Variants in MAP3K5 observed in about 807,000 individuals in gnomAD.
MAP3K5 encodes ASK-1.
Under a neutral mutation model 158.7 loss-of-function variants are expected in MAP3K5, and 56 were observed. The observed-to-expected ratio is 0.35, with a 90% confidence interval of 0.28 to 0.44. The LOEUF (loss-of-function observed/expected upper bound fraction) is 0.44. Among genes scored for constraint, MAP3K5 ranks in the 20% least tolerant of loss-of-function variants. MAP3K5 has a pLI of 1.00. For missense variants in MAP3K5, 1,294 were observed against 1,674.8 expected, an observed-to-expected ratio of 0.77 and a Z score of 3.97; for synonymous variants, 579 against 601.7, an observed-to-expected ratio of 0.96 and a Z score of 0.55.
chr6:136,757,571 A>ATTT (rs1562679067), intron 1 of MAP3K5, among the ~76,000 whole-genome samples: 4 of 111,132 alleles, frequency 3.6e-5, no homozygotes, highest in African/African-American at 1.4e-4. Flanking sequence ...TTATAGATTT[A>ATTT]TTTATTTATT....
chr6:136,604,097 G>T (rs769845720), intron 19 of MAP3K5, among the ~76,000 whole-genome samples: 1 of 152,200 alleles, frequency 6.6e-6, no homozygotes, highest in Admixed American at 6.5e-5. Flanking sequence ...CAAGGCAGGC[G>T]GAGGGCCTGA....
rs140757141 is a variant in MAP3K5 at position 136,619,575 on chromosome 6, T to C, written c.2150+3273A>G. ...AGAGTAGTCCATTTGTTACAACTGA[T>C]GGACCTTCACTGACACATCATTATC... is the stretch of plus-strand genomic sequence containing the variant. On this transcript the variant is annotated intron_variant, in intron 15 of 29. Coordinates refer to ENST00000359015, the MANE Select transcript of MAP3K5 (RefSeq NM_005923.4). Among the ~76,000 whole-genome samples, 491 of 152,314 alleles carry C rather than the reference T, an allele frequency of 3.2e-3. 3 individuals are homozygous for C. The highest frequency in any genetic ancestry group is 0.011 in the African/African-American group (450 of 41,562).
intron 8 of MAP3K5, among the ~76,000 whole-genome samples, chr6:136,664,932 C>T (rs1268125489): frequency 6.6e-6 from 1 of 152,034 alleles, no homozygotes; most frequent in Non-Finnish European, 1.5e-5. Context: ...GACTCTATCT[C>T]AAAAAATAAA....
At chr6:136,584,215 G>A (rs1051798395) in intron 23 of MAP3K5, among the ~76,000 whole-genome samples, 1 of 152,178 alleles carries the variant, frequency 6.6e-6, no homozygotes, top group African/African-American at 2.4e-5. Flanking sequence ...ATAAGCCATA[G>A]GATCTCAACC....
chr6:136,756,879 C>T (rs1269732734), intron 1 of MAP3K5, among the ~76,000 whole-genome samples: 1 of 152,208 alleles, frequency 6.6e-6, no homozygotes, highest in Non-Finnish European at 1.5e-5. Context: ...CCTCTTCCAT[C>T]TCATTAGGAA....
intron 7 of MAP3K5, among the ~76,000 whole-genome samples, chr6:136,688,419 A>T (rs1780247427): frequency 6.6e-6 from 1 of 152,122 alleles, no homozygotes; most frequent in African/African-American, 2.4e-5. Flanking sequence ...TTAAAGTATA[A>T]TTTAAAAAAA....
intron 25 of MAP3K5, 52 bp downstream of exon 25, chr6:136,580,249 A>G: frequency 8.5e-7 from 1 of 1,176,142 alleles, no homozygotes; most frequent in East Asian, 2.4e-5. Context: ...ATGAACAGTA[A>G]TCTAAAATAT....
At chr6:136,658,717 A>G (rs1011902039) in intron 9 of MAP3K5, among the ~76,000 whole-genome samples, 3 of 152,220 alleles carry the variant, frequency 2.0e-5, no homozygotes, top group African/African-American at 7.2e-5. Flanking sequence ...CTCCAAGAAC[A>G]ATTTCAAATT....
intron 1 of MAP3K5, among the ~76,000 whole-genome samples, chr6:136,752,492 A>G (rs1783258129): frequency 6.6e-6 from 1 of 151,904 alleles, no homozygotes; most frequent in South Asian, 2.1e-4. Flanking sequence ...GCTCACTGCA[A>G]CCTCCACCTC....
At chr6:136,732,288 A>T (rs1371042080) in intron 1 of MAP3K5, among the ~76,000 whole-genome samples, 1 of 152,056 alleles carries the variant, frequency 6.6e-6, no homozygotes, top group Non-Finnish European at 1.5e-5. Context: ...AGCCAGGCAC[A>T]GTGGCGGGCG....
intron 19 of MAP3K5, among the ~76,000 whole-genome samples, chr6:136,602,976 T>C (rs554441987): frequency 9.4e-4 from 143 of 152,304 alleles, no homozygotes; most frequent in Middle Eastern, 6.8e-3. Context: ...AAATTAATGG[T>C]ATTTTCATTT....
chr6:136,584,697 G>A (rs1381175523), intron 23 of MAP3K5, among the ~76,000 whole-genome samples: 1 of 152,086 alleles, frequency 6.6e-6, no homozygotes, highest in African/African-American at 2.4e-5. Flanking sequence ...ATCAGGGAGG[G>A]AGAGGAGAAG....
At chr6:136,676,432 T>C (rs1779704888) in intron 7 of MAP3K5, among the ~76,000 whole-genome samples, 1 of 152,246 alleles carries the variant, frequency 6.6e-6, no homozygotes, top group Non-Finnish European at 1.5e-5. Context: ...GTGAATTGCA[T>C]ATCACTTTCA....
In MAP3K5 at chr6:136,583,545, T is replaced by G. The variant is rs376067601; in HGVS notation, c.3411+10A>C. ...TGTGTGGGAAAACACTGGCAAAATA[T>G]CATACTTACAGCATCTTGAAAACCA... is the stretch of plus-strand genomic sequence containing the variant. On this transcript the variant is annotated intron_variant, in intron 24 of 29. Transcript: ENST00000359015. 6 of 1,605,690 alleles carry G rather than the reference T, an allele frequency of 3.7e-6. No homozygotes were observed. The African/African-American group carries it at 8.0e-5, about 22-fold the overall frequency.
chr6:136,625,371 A>C (rs1240509622), intron 14 of MAP3K5, among the ~76,000 whole-genome samples: 1 of 152,220 alleles, frequency 6.6e-6, no homozygotes, highest in East Asian at 1.9e-4. Flanking sequence ...CTTGGGTCTT[A>C]ATGCCCAGGA....
chr6:136,605,203 T>C lies in MAP3K5; in HGVS notation c.2679+6A>G. The C allele has an allele frequency of 1.2e-6, 2 of 1,611,232 alleles. No homozygotes were observed. Among genetic ancestry groups the C allele is most frequent in the Non-Finnish European group, 1.7e-6 (2 of 1,179,242 alleles). ...CCATTTGTTTTTAAGAGAAATGAAG[T>C]GTGACCTTGAACATAGCTGCTTGTG... On this transcript the variant is annotated splice_donor_region_variant and intron_variant, in intron 19 of 29. Transcript: ENST00000359015.
chr6:136,755,699 A>G (rs918133039), intron 1 of MAP3K5, among the ~76,000 whole-genome samples: 11 of 151,928 alleles, frequency 7.2e-5, no homozygotes, highest in African/African-American at 2.4e-4. Context: ...CAAAAAAAAA[A>G]AAAAAAAAAA....
At chr6:136,579,820 C>T (rs1032551682) in intron 25 of MAP3K5, 1 of 456,344 alleles carries the variant, frequency 2.2e-6, no homozygotes, top group African/African-American at 2.0e-5. Flanking sequence ...AAAAAAAAAT[C>T]AGATTCCTGG....
intron 15 of MAP3K5, among the ~76,000 whole-genome samples, chr6:136,617,466 T>A (rs1173049130): frequency 6.6e-6 from 1 of 152,208 alleles, no homozygotes; most frequent in African/African-American, 2.4e-5. Flanking sequence ...AAATCCCTAC[T>A]GCTAACCATC....
Sources: allele counts gnomAD v4.1 joint callset (sites outside exome capture counted in the v4.1 genomes callset), GRCh38; gene constraint gnomAD v4.1.1; transcripts MANE v1.5; gene names NCBI Gene and HGNC (gene_info 2026-07-23, HGNC 2026-07-21).